DPY19L2: variants seen among roughly 807,000 people sequenced by gnomAD.
DPY19L2 encodes probable C-mannosyltransferase DPY19L2.
In DPY19L2, 34 loss-of-function variants were observed where a neutral mutation model predicts 97.9. That is an observed-to-expected ratio of 0.35 (90% confidence interval 0.26 to 0.46). The LOEUF (loss-of-function observed/expected upper bound fraction) is 0.46, where lower values mean the gene tolerates loss of function less well. Among genes scored for constraint, DPY19L2 ranks in the 20% least tolerant of loss-of-function variants. DPY19L2 has a pLI of 1.00. For synonymous variants in DPY19L2, 230 were observed against 307.9 expected, an observed-to-expected ratio of 0.75 and a Z score of 2.65; for missense variants, 623 against 911.4, an observed-to-expected ratio of 0.68 and a Z score of 4.07.
intron 12 of DPY19L2, among the ~76,000 whole-genome samples, chr12:63,601,605 G>A (rs2137578631): frequency 6.6e-6 from 1 of 152,138 alleles, no homozygotes; most frequent in East Asian, 1.9e-4. Context: ...GGATAAAGAA[G>A]AAAAGGAAAG....
intron 9 of DPY19L2, chr12:63,620,281 A>G (rs1481979794): frequency 1.5e-5 from 3 of 205,644 alleles, no homozygotes; most frequent in Non-Finnish European, 3.0e-5. Flanking sequence ...TTATGATTAA[A>G]GCTCACAGAA....
intron 19 of DPY19L2, among the ~76,000 whole-genome samples, chr12:63,576,278 A>G (rs1370189882): frequency 3.3e-5 from 5 of 152,012 alleles, no homozygotes; most frequent in Non-Finnish European, 7.4e-5. Flanking sequence ...TAAACTGGGT[A>G]TAGAAGGAAC....
intron 4 of DPY19L2, among the ~76,000 whole-genome samples, chr12:63,651,067 T>C (rs1250132526): frequency 6.6e-6 from 1 of 151,924 alleles, no homozygotes; most frequent in Non-Finnish European, 1.5e-5. Flanking sequence ...CATAGACCAA[T>C]GGAACAGAAT....
chr12:63,663,908 G>C (rs956252304), intron 2 of DPY19L2, 63 bp from the exon 3 acceptor site: 18 of 1,081,538 alleles, frequency 1.7e-5, no homozygotes, highest in Non-Finnish European at 2.4e-5. Context: ...AGTAAAATAA[G>C]CAATAAGAAA....
chr12:63,592,863 T>C (rs1008128405), intron 16 of DPY19L2, among the ~76,000 whole-genome samples: 7 of 151,882 alleles, frequency 4.6e-5, no homozygotes, highest in Admixed American at 1.3e-4. Flanking sequence ...ACCTACAACA[T>C]GGGAGAAAAT....
chr12:63,568,700 C>CTG (rs144638010), intron 21 of DPY19L2, among the ~76,000 whole-genome samples: 12,386 of 151,952 alleles, frequency 0.082, 793 homozygotes, highest in African/African-American at 0.18. Flanking sequence ...CAGCTAATAT[C>CTG]TGTGCTTAGG....
At chr12:63,641,692 T>C (rs550949294) in intron 6 of DPY19L2, among the ~76,000 whole-genome samples, 1 of 152,162 alleles carries the variant, frequency 6.6e-6, no homozygotes, top group Non-Finnish European at 1.5e-5. Context: ...TAAACCAAAA[T>C]GTATTCATTT....
At chr12:63,589,357 CAAAAAAAAAAAAA>C (rs71086687) in intron 16 of DPY19L2, among the ~76,000 whole-genome samples, 96 of 18,976 alleles carry the variant, frequency 5.1e-3, no homozygotes, top group Non-Finnish European at 7.5e-3. Context: ...AAATGTGTTG[CAAAAAAAAAAAAA>C]AAAAAAAAAA....
chr12:63,667,604 C>A (rs1896480117), intron 1 of DPY19L2, among the ~76,000 whole-genome samples: 1 of 152,156 alleles, frequency 6.6e-6, no homozygotes, highest in Admixed American at 6.6e-5. Context: ...TCTTTTATTT[C>A]CACTTTAACA....
chr12:63,571,820 A>T (rs1878904818), intron 19 of DPY19L2, among the ~76,000 whole-genome samples: 2 of 152,206 alleles, frequency 1.3e-5, no homozygotes, highest in African/African-American at 2.4e-5. Context: ...AGAAGACCAA[A>T]TGCTTACTTC....
rs752301837 is a variant in DPY19L2, at chr12:63,580,681, G to A, written c.1881C>T (p.Ile627=). The change falls in exon 19 of 22, where the codon ATC becomes ATT. Residue 627 remains isoleucine (I), a synonymous_variant. Coordinates refer to ENST00000324472, the MANE Select transcript of DPY19L2 (RefSeq NM_173812.5). ...NLPQEELLQW[I]KYSTTSDAVF... ...ACACACCTGATGTGGTACTGTATTT[G>A]ATCCACTGTAAAAGTTCTTCCTGAG... The A allele has an allele frequency of 4.3e-5, 70 of 1,612,442 alleles. No individual in the cohort carries two copies. Among genetic ancestry groups the A allele is most frequent in the Non-Finnish European group, 5.8e-5 (68 of 1,179,362 alleles).
chr12:63,591,956 G>T (rs1266279853), intron 16 of DPY19L2, among the ~76,000 whole-genome samples: 1 of 95,884 alleles, frequency 1.0e-5, no homozygotes, highest in African/African-American at 4.3e-5. Flanking sequence ...GAAAAGAAAA[G>T]AAAAGAAAAG....
At chr12:63,571,716 C>T (rs1053580310) in intron 19 of DPY19L2, among the ~76,000 whole-genome samples, 2 of 152,120 alleles carry the variant, frequency 1.3e-5, no homozygotes, top group Non-Finnish European at 2.9e-5. Context: ...TTACTTGCTG[C>T]TAGTACTTTT....
chr12:63,618,257 A>G (rs1430253696), intron 9 of DPY19L2, 29 bp from the exon 10 acceptor site: 2 of 978,278 alleles, frequency 2.0e-6, no homozygotes, highest in Non-Finnish European at 3.0e-6. Context: ...GCAAAAGTGA[A>G]AAAAAGTATA....
chr12:63,627,525 T>C (rs1889775917), intron 6 of DPY19L2, among the ~76,000 whole-genome samples: 5 of 152,114 alleles, frequency 3.3e-5, no homozygotes, highest in Admixed American at 2.0e-4. Context: ...GATTTTTGTA[T>C]TTTTAGTAGA....
rs1245652170 is a variant in DPY19L2 at position 63,580,750 on chromosome 12, G to A, written c.1812C>T (p.Asn604=). ...CTATTATGCTCCATTGATTACGGAG[G>A]TTTGCATAACCTTGTATTGACATCA... ...LTVMSIQGYA[N]LRNQWSIIGE... Residue 604 remains asparagine, a synonymous_variant, in exon 19 of 22, where the codon AAC becomes AAT. Coordinates refer to ENST00000324472, the MANE Select transcript of DPY19L2 (RefSeq NM_173812.5). 7.4e-6 allele frequency: 12 copies of A among 1,613,646 alleles called. No individual in the cohort carries two copies. In the East Asian group the frequency reaches 2.5e-4, roughly 33 times the overall value.
Position 63,668,064 on chromosome 12 carries a change from G to A in DPY19L2, c.330C>T (p.Leu110=), listed in dbSNP as rs771072879. 15 of 1,613,572 alleles carry A rather than the reference G, an allele frequency of 9.3e-6. No individual in the cohort carries two copies. The highest frequency in any genetic ancestry group is 1.2e-5 in the Non-Finnish European group (14 of 1,179,838). The change falls in exon 1 of 22, where the codon CTC becomes CTT. Residue 110 remains leucine (L), a synonymous_variant. Coordinates refer to ENST00000324472, the MANE Select transcript of DPY19L2 (RefSeq NM_173812.5). ...QARRFSSRTT[L]GIAVFVAILH... is the part of the protein sequence containing the mutation. ...CTCCTGCCCTCTCCTCACCGATGCC[G>A]AGAGTGGTTCTGCTGGAGAACCGCC... is the stretch of plus-strand genomic sequence containing the variant.
chr12:63,588,969 G>A (rs1353498808), intron 16 of DPY19L2, among the ~76,000 whole-genome samples: 1 of 151,676 alleles, frequency 6.6e-6, no homozygotes, highest in Non-Finnish European at 1.5e-5. Context: ...TAGCCAGGAT[G>A]GCCTCAATCT....
At chr12:63,654,395 C>T (rs1894684768) in intron 4 of DPY19L2, among the ~76,000 whole-genome samples, 1 of 151,892 alleles carries the variant, frequency 6.6e-6, no homozygotes, top group Non-Finnish European at 1.5e-5. Context: ...TGTTCTGCCA[C>T]AAGAAGGTTA....
Sources: gnomAD v4.1 joint callset for allele counts (sites outside exome capture counted in the v4.1 genomes callset) on GRCh38, gnomAD v4.1.1 for gene constraint, MANE v1.5 for transcripts, NCBI Gene and HGNC (gene_info 2026-07-23, HGNC 2026-07-21) for gene names.